The following SLC26A7 variants were observed in gnomAD, a reference collection of about 807,000 sequenced individuals.
SLC26A7 encodes the protein anion exchange transporter.
A neutral mutation model predicts 82.5 loss-of-function variants in SLC26A7; 59 were observed. That is an observed-to-expected ratio of 0.72 (90% CI 0.58 to 0.89). The LOEUF (loss-of-function observed/expected upper bound fraction) is 0.89. Among genes scored for constraint, SLC26A7 ranks in the 40% least tolerant of loss-of-function variants. The probability of loss-of-function intolerance (pLI) is 0.00; values close to 1 mark genes in which losing one functional copy is unlikely to be tolerated. For missense variants in SLC26A7, 820 were observed against 793.0 expected (o/e 1.03, Z -0.41); for synonymous variants, 271 against 274.3 (o/e 0.99, Z 0.12).
chr8:91,328,813 C>A (rs1344793723), intron 5 of SLC26A7, among the ~76,000 whole-genome samples: 1 of 151,930 alleles, frequency 6.6e-6, no homozygotes, highest in Non-Finnish European at 1.5e-5. Context: ...AGCCTCACAT[C>A]TAAAGAAAAT....
rs111482317 is a variant in SLC26A7 at position 91,309,828 on chromosome 8, A to G, written c.478-8388A>G. On this transcript the variant is annotated intron_variant, in intron 4 of 18. Coordinates refer to ENST00000276609, the MANE Select transcript of SLC26A7 (RefSeq NM_052832.4). ...TTTTCCCTTGAGGTGGGCTGTCTGC[A>G]TGTACGGTGGCTTGCTAGCACTTGG... Among the ~76,000 whole-genome samples, 225 of 152,132 alleles carry G rather than the reference A, an allele frequency of 1.5e-3. 2 individuals are homozygous for G. The highest frequency in any genetic ancestry group is 5.3e-3 in the African/African-American group (222 of 41,498).
chr8:91,231,332 A>G (rs1450065582), intron 2 of SLC26A7, among the ~76,000 whole-genome samples: 1 of 152,198 alleles, frequency 6.6e-6, no homozygotes, highest in African/African-American at 2.4e-5. Context: ...GACTAGTCTT[A>G]TATGGAGTTT....
chr8:91,358,946 G>T (rs963287423), intron 11 of SLC26A7, among the ~76,000 whole-genome samples: 12 of 152,126 alleles, frequency 7.9e-5, no homozygotes, highest in Admixed American at 1.3e-4. Context: ...GGGGGGACGG[G>T]GGAGGGATAG....
intron 1 of SLC26A7, among the ~76,000 whole-genome samples, chr8:91,218,355 A>AAAAAGTGAG (rs60094350): frequency 1.3e-5 from 2 of 151,928 alleles, no homozygotes; most frequent in Non-Finnish European, 2.9e-5. Context: ...ATTTTGTACA[A>AAAAAGTGAG]ATTATTTTGA....
At chr8:91,217,920 T>C (rs1420302613) in intron 1 of SLC26A7, among the ~76,000 whole-genome samples, 1 of 152,158 alleles carries the variant, frequency 6.6e-6, no homozygotes, top group African/African-American at 2.4e-5. Flanking sequence ...CAGCCACTGT[T>C]GGAGGTCTGT....
chr8:91,242,277 C>A (rs532747213), intron 2 of SLC26A7, among the ~76,000 whole-genome samples: 1 of 152,202 alleles, frequency 6.6e-6, no homozygotes, highest in African/African-American at 2.4e-5. Context: ...TATGAGCTCT[C>A]CATATCTTTT....
At chr8:91,252,035 G>T (rs1810671386) in intron 2 of SLC26A7, among the ~76,000 whole-genome samples, 1 of 152,060 alleles carries the variant, frequency 6.6e-6, no homozygotes, top group Non-Finnish European at 1.5e-5. Flanking sequence ...ATACAATATT[G>T]GCAATTATTA....
At chr8:91,319,765 T>A (rs752579826) in intron 5 of SLC26A7, among the ~76,000 whole-genome samples, 4 of 152,204 alleles carry the variant, frequency 2.6e-5, no homozygotes, top group Non-Finnish European at 4.4e-5. Context: ...GGCCTGCTTG[T>A]CGGCACATGT....
At chr8:91,233,659 A>G (rs1313387858) in intron 2 of SLC26A7, among the ~76,000 whole-genome samples, 1 of 152,158 alleles carries the variant, frequency 6.6e-6, no homozygotes, top group Non-Finnish European at 1.5e-5. Context: ...TTTCAGACAA[A>G]TATGTTCTTG....
rs1265174113 is a variant in SLC26A7, at chr8:91,366,659, T to G, written c.1568T>G (p.Leu523Ter). 3 of 1,613,560 alleles carry G rather than the reference T, an allele frequency of 1.9e-6. No individual in the cohort carries two copies. In the South Asian group the frequency reaches 3.3e-5, roughly 18 times the overall value. ...AATGCAAAAAAATTTTATACTGATT[T>G]AATGAACATGATCCAAAAGGAAAAT... ...FLNAKKFYTD[L>*]MNMIQKENAC... The change falls in exon 14 of 19, where the codon TTA becomes TGA. Residue 523 changes from leucine to a stop codon, truncating the protein, a stop_gained. Transcript: ENST00000276609. LOFTEE classifies it high-confidence loss of function.
At chr8:91,280,960 G>C (rs140939815) in intron 2 of SLC26A7, among the ~76,000 whole-genome samples, 1 of 152,298 alleles carries the variant, frequency 6.6e-6, no homozygotes, top group Non-Finnish European at 1.5e-5. Flanking sequence ...ATCTGTGGTA[G>C]TTTCCTAACT....
chr8:91,365,302 G>A (rs570036593), intron 13 of SLC26A7, among the ~76,000 whole-genome samples: 1 of 152,258 alleles, frequency 6.6e-6, no homozygotes, highest in East Asian at 1.9e-4. Context: ...ACTAATGATA[G>A]TTGATAAACT....
Position 91,389,364 on chromosome 8 carries a change from G to A in SLC26A7, c.1702G>A (p.Glu568Lys). The part of the protein sequence containing the change: ...NEEASQSCPN[E>K]KCYLILDCSG... ...AGAAGCTTCACAGTCCTGCCCTAATGAGAAGTGTTATTTAATCCTGGATTG... is the reference window on the plus strand; with the variant it reads ...AGAAGCTTCACAGTCCTGCCCTAATAAGAAGTGTTATTTAATCCTGGATTG... Residue 568 changes from glutamate to lysine, a missense_variant, in exon 16 of 19, where the codon GAG (glutamate) becomes AAG (lysine). Glu to Lys is a moderately conservative substitution (Grantham distance 56, BLOSUM62 1). Transcript: ENST00000276609. 1 of 1,614,012 alleles carries A rather than the reference G, an allele frequency of 6.2e-7. No homozygotes were observed. The highest frequency in any genetic ancestry group is 1.1e-5 in the South Asian group (1 of 91,074).
chr8:91,289,704 G>A (rs1254943009), intron 3 of SLC26A7, among the ~76,000 whole-genome samples: 1 of 151,782 alleles, frequency 6.6e-6, no homozygotes, highest in Non-Finnish European at 1.5e-5. Flanking sequence ...GAGAAAGTAA[G>A]TACTTGGGAG....
intron 4 of SLC26A7, among the ~76,000 whole-genome samples, chr8:91,317,953 T>TAAA (rs1324875068): frequency 7.0e-6 from 1 of 143,042 alleles, no homozygotes; most frequent in African/African-American, 2.6e-5. Context: ...TATATATATA[T>TAAA]ATATAAAATA....
At chr8:91,237,625 G>A (rs529896342) in intron 2 of SLC26A7, among the ~76,000 whole-genome samples, 2 of 151,922 alleles carry the variant, frequency 1.3e-5, no homozygotes, top group South Asian at 2.1e-4. Flanking sequence ...TCTCTCTACC[G>A]TGTCTTTTCC....
At chr8:91,281,496 A>G (rs987808272) in intron 2 of SLC26A7, among the ~76,000 whole-genome samples, 3 of 152,230 alleles carry the variant, frequency 2.0e-5, no homozygotes, top group Non-Finnish European at 4.4e-5. Context: ...AATGACTTGA[A>G]AATCTGCAGA....
chr8:91,261,908 T>C (rs993130403), intron 2 of SLC26A7, among the ~76,000 whole-genome samples: 2 of 152,102 alleles, frequency 1.3e-5, no homozygotes, highest in African/African-American at 4.8e-5. Flanking sequence ...ACTTAGAGCT[T>C]ACCTTGAGGC....
chr8:91,378,668 G>C (rs1273909364), intron 15 of SLC26A7, among the ~76,000 whole-genome samples: 1 of 151,582 alleles, frequency 6.6e-6, no homozygotes, highest in African/African-American at 2.4e-5. Flanking sequence ...ATACCAGCTA[G>C]GAGAGCCCCG....
Sources: allele counts gnomAD v4.1 joint callset (sites outside exome capture counted in the v4.1 genomes callset), GRCh38; gene constraint gnomAD v4.1.1; transcripts MANE v1.5; gene names NCBI Gene and HGNC (gene_info 2026-07-23, HGNC 2026-07-21).